The following CRB1 variants were observed in gnomAD, a reference collection of about 807,000 sequenced individuals.
CRB1 encodes protein crumbs homolog 1.
CRB1 carries 83 observed loss-of-function variants against 120.0 expected under a neutral mutation model. The observed-to-expected ratio is 0.69, with a 90% CI of 0.58 to 0.83. CRB1 has a LOEUF of 0.83. Among genes scored for constraint, CRB1 ranks in the 40% least tolerant of loss-of-function variants. The pLI, the probability that CRB1 is intolerant of heterozygous loss-of-function variation, is 0.00. For missense variants in CRB1, 1,699 were observed against 1,687.6 expected, an observed-to-expected ratio of 1.01 and a Z score of -0.12; for synonymous variants, 625 against 612.5, an observed-to-expected ratio of 1.02 and a Z score of -0.30.
chr1:197,453,248 T>C (rs1666054498), intron 11 of CRB1, among the ~76,000 whole-genome samples: 2 of 148,742 alleles, frequency 1.3e-5, no homozygotes, highest in Non-Finnish European at 3.0e-5. Context: ...TGTCATTAAA[T>C]AAGTATGTGT....
Position 197,421,381 on chromosome 1 carries a change from A to G in CRB1, c.1553A>G (p.Gln518Arg). The G allele has an allele frequency of 6.2e-7, 1 of 1,614,232 alleles. No individual in the cohort carries two copies. The highest frequency in any genetic ancestry group is 1.1e-5 in the South Asian group (1 of 91,088). ...CNIALRFQTVQPMALLLFRSN... is the reference protein window; with the variant it reads ...CNIALRFQTVRPMALLLFRSN... ...ATAGCCCTCAGGTTTCAGACTGTTC[A>G]GCCAATGGCTCTTCTACTTTTCCGA... Residue 518 changes from glutamine to arginine, a missense_variant, in exon 6 of 12, where the codon CAG becomes CGG. Physicochemically the swap from Gln to Arg is conservative, Grantham distance 43. Coordinates refer to ENST00000367400, the MANE Select transcript of CRB1 (RefSeq NM_201253.3).
At chr1:197,400,422 A>G (rs1285994729) in intron 5 of CRB1, among the ~76,000 whole-genome samples, 2 of 151,578 alleles carry the variant, frequency 1.3e-5, no homozygotes, top group African/African-American at 4.9e-5. Context: ...AGGCTCCAGC[A>G]ATCCTCCCAT....
the CRB1 span, among the ~76,000 whole-genome samples, chr1:197,211,610 A>G: frequency 6.6e-6 from 1 of 152,162 alleles, no homozygotes; most frequent in East Asian, 1.9e-4. Context: ...TCTCATGAAA[A>G]TCACTTCCCA....
chr1:197,347,765 T>A (rs1248230668), intron 4 of CRB1, among the ~76,000 whole-genome samples: 1 of 152,180 alleles, frequency 6.6e-6, no homozygotes. Flanking sequence ...GGAGAAAAAT[T>A]CACTGGAAGA....
At chr1:197,260,642 T>G in the CRB1 span, among the ~76,000 whole-genome samples, 1 of 151,872 alleles carries the variant, frequency 6.6e-6, no homozygotes, top group African/African-American at 2.4e-5. Flanking sequence ...TTTTCAACAT[T>G]TATAGCAGAC....
chr1:197,417,394 G>A (rs1256595178), intron 5 of CRB1, among the ~76,000 whole-genome samples: 1 of 152,198 alleles, frequency 6.6e-6, no homozygotes, highest in African/African-American at 2.4e-5. Flanking sequence ...GAATCCTGTG[G>A]TCTAGATGGG....
chr1:197,434,945 T>C lies in CRB1; in HGVS notation c.3082T>C (p.Ser1028Pro). The C allele has an allele frequency of 6.2e-7, 1 of 1,613,970 alleles. No individual in the cohort carries two copies. Among genetic ancestry groups the C allele is most frequent in the Non-Finnish European group, 8.5e-7 (1 of 1,179,882 alleles). Residue 1028 changes from serine to proline, a missense_variant, in exon 9 of 12, where the codon TCA becomes CCA. Ser to Pro is a moderately conservative substitution (Grantham distance 74). Coordinates refer to ENST00000367400, the MANE Select transcript of CRB1 (RefSeq NM_201253.3). ...TATGCTAAGTCTGACAAGTTTGCAGTCAGTGAATGATGGCACATGGCACGA... is the reference window on the plus strand; with the variant it reads ...TATGCTAAGTCTGACAAGTTTGCAGCCAGTGAATGATGGCACATGGCACGA... ...FYMLSLTSLQ[S>P]VNDGTWHEVT...
At chr1:197,318,939 G>C (rs1658013908) in intron 1 of CRB1, among the ~76,000 whole-genome samples, 2 of 152,042 alleles carry the variant, frequency 1.3e-5, no homozygotes, top group South Asian at 2.1e-4. Context: ...AGGATGACTA[G>C]AGTTAACAAC....
intron 11 of CRB1, among the ~76,000 whole-genome samples, chr1:197,460,573 A>T (rs1213769488): frequency 6.6e-6 from 1 of 152,152 alleles, no homozygotes; most frequent in Admixed American, 6.6e-5. Flanking sequence ...GCAATGCCTC[A>T]TTTAGTTCTA....
chr1:197,369,292 G>A (rs1225313994), intron 5 of CRB1, among the ~76,000 whole-genome samples: 1 of 151,766 alleles, frequency 6.6e-6, no homozygotes, highest in Non-Finnish European at 1.5e-5. Flanking sequence ...TTAGTTTGTT[G>A]AGAGAGTCTG....
chr1:197,322,488 A>T (rs1010984044), intron 1 of CRB1, among the ~76,000 whole-genome samples: 1 of 151,160 alleles, frequency 6.6e-6, no homozygotes, highest in Non-Finnish European at 1.5e-5. Flanking sequence ...TAATAATAAT[A>T]ATTTTTATAC....
intron 8 of CRB1, among the ~76,000 whole-genome samples, 193 bp from the exon 9 acceptor site, chr1:197,434,513 G>A (rs1665026551): frequency 6.6e-6 from 1 of 151,666 alleles, no homozygotes; most frequent in Non-Finnish European, 1.5e-5. Context: ...CCATAAAATG[G>A]GGATAATAAT....
intron 5 of CRB1, among the ~76,000 whole-genome samples, chr1:197,394,324 G>A (rs909888994): frequency 2.0e-5 from 3 of 152,004 alleles, no homozygotes; most frequent in Non-Finnish European, 4.4e-5. Context: ...ATAATATAGT[G>A]TATAATACAT....
chr1:197,474,191 T>C (rs544453028), intron 11 of CRB1, among the ~76,000 whole-genome samples: 30 of 152,378 alleles, frequency 2.0e-4, no homozygotes, highest in Admixed American at 4.6e-4. Context: ...TTTTGTATTT[T>C]ACATTCTTTG....
intron 11 of CRB1, among the ~76,000 whole-genome samples, chr1:197,463,314 C>T (rs1666610735): frequency 1.3e-5 from 2 of 152,074 alleles, no homozygotes; most frequent in South Asian, 2.1e-4. Flanking sequence ...AAAACCCTTC[C>T]ACCCATCAGC....
At chr1:197,384,332 C>G (rs780333701) in intron 5 of CRB1, among the ~76,000 whole-genome samples, 4 of 152,088 alleles carry the variant, frequency 2.6e-5, no homozygotes, top group Non-Finnish European at 5.9e-5. Context: ...CCCAGGTGGT[C>G]GTGCTATTAC....
At chr1:197,284,057 T>A (rs1571763823) in intron 1 of CRB1, among the ~76,000 whole-genome samples, 2 of 152,074 alleles carry the variant, frequency 1.3e-5, no homozygotes, top group East Asian at 3.9e-4. Context: ...TGTTTTCTCA[T>A]CTGCCTAATG....
rs191965483 is a variant in CRB1, at chr1:197,288,413, A to G, written c.70+19931A>G. Among the ~76,000 whole-genome samples, 27 of 152,018 alleles carry G rather than the reference A, an allele frequency of 1.8e-4. 1 individual carries two copies. Among genetic ancestry groups the G allele is most frequent in the Admixed American group, 1.4e-3 (22 of 15,214 alleles). Reference sequence around the variant, plus strand: ...TGCTGCTTAACAAATCTTAAAAGCAAGACTTAAAAGAACCAAACTGTTTCT... The same window carrying G: ...TGCTGCTTAACAAATCTTAAAAGCAGGACTTAAAAGAACCAAACTGTTTCT... On this transcript the variant is annotated intron_variant, in intron 1 of 11. Coordinates refer to ENST00000367400, the MANE Select transcript of CRB1 (RefSeq NM_201253.3).
At chr1:197,381,246 G>A (rs1056292953) in intron 5 of CRB1, among the ~76,000 whole-genome samples, 9 of 151,988 alleles carry the variant, frequency 5.9e-5, no homozygotes, top group Non-Finnish European at 1.5e-5. Flanking sequence ...ATTATGCATT[G>A]GGAGAATAAG....
Sources: allele counts gnomAD v4.1 joint callset (sites outside exome capture counted in the v4.1 genomes callset), GRCh38; gene constraint gnomAD v4.1.1; transcripts MANE v1.5; gene names NCBI Gene and HGNC (gene_info 2026-07-23, HGNC 2026-07-21).